Variants in DUSP19 observed in about 807,000 individuals in gnomAD.
DUSP19 encodes the protein dual specificity protein phosphatase 19.
In DUSP19, 14 loss-of-function variants were observed where a neutral mutation model predicts 16.6. The ratio of observed to expected loss-of-function variants is 0.84; its 90% CI spans 0.56 to 1.32. The LOEUF (loss-of-function observed/expected upper bound fraction) is 1.32, where lower values mean the gene tolerates loss of function less well. Ranked by LOEUF, DUSP19 falls within the 40% of genes most tolerant of loss-of-function variation. DUSP19 has a pLI of 0.00. For missense variants in DUSP19, 258 were observed against 255.9 expected (o/e 1.01, Z -0.06); for synonymous variants, 81 against 90.5 (o/e 0.90, Z 0.59).
chr2:183,087,194 T>A lies in DUSP19; in HGVS notation c.426+2T>A. 1.2e-6 allele frequency: 2 copies of A among 1,612,224 alleles called. No individual in the cohort carries two copies. Among genetic ancestry groups the A allele is most frequent in the Non-Finnish European group, 1.7e-6 (2 of 1,179,528 alleles). On this transcript the variant is annotated splice_donor_variant, in intron 3 of 3. Coordinates refer to ENST00000354221, the MANE Select transcript of DUSP19 (RefSeq NM_080876.4). LOFTEE classifies it high-confidence loss of function. Reference sequence around the variant, plus strand: ...TTTATTGAAGAAGCAAAAAGAAAAGTGAGTTTTGTTTTGATCCATAGTTCT... The same window carrying A: ...TTTATTGAAGAAGCAAAAAGAAAAGAGAGTTTTGTTTTGATCCATAGTTCT...
At chr2:183,095,209 G>A (rs1394331529) in intron 3 of DUSP19, among the ~76,000 whole-genome samples, 1 of 152,090 alleles carries the variant, frequency 6.6e-6, no homozygotes, top group African/African-American at 2.4e-5. Flanking sequence ...TTTCAATCAT[G>A]GGTTAGTAGG....
At position 183,087,070 on chromosome 2, in the gene DUSP19, G is replaced by A. The variant is rs770459317; in HGVS notation, c.304G>A (p.Val102Ile). The A allele has an allele frequency of 3.7e-6, 6 of 1,612,412 alleles. No homozygotes were observed. The highest frequency in any genetic ancestry group is 2.2e-5 in the South Asian group (2 of 90,858). ...TCATATTCTTAATGTTGCATATGGAGTTGAAAATGCTTTCCTCAGTGACTT... is the reference window on the plus strand; with the variant it reads ...TCATATTCTTAATGTTGCATATGGAATTGAAAATGCTTTCCTCAGTGACTT... ...VTHILNVAYG[V>I]ENAFLSDFTY... Residue 102 changes from valine to isoleucine, a missense_variant, in exon 3 of 4, where the codon GTT (valine) becomes ATT (isoleucine). By Grantham distance (29) the Val-to-Ile change is conservative. Transcript: ENST00000354221.
At chr2:183,085,417 G>A (rs1699646574) in intron 2 of DUSP19, among the ~76,000 whole-genome samples, 2 of 152,182 alleles carry the variant, frequency 1.3e-5, no homozygotes, top group African/African-American at 4.8e-5. Context: ...GGAGGAGAGA[G>A]TCAGCAATGT....
rs1003374103 is a variant in DUSP19 at position 183,095,537 on chromosome 2, C to G, written c.533C>G (p.Ser178Cys). The G allele has an allele frequency of 6.2e-7, 1 of 1,611,866 alleles. No homozygotes were observed. The highest frequency in any genetic ancestry group is 1.7e-4 in the Middle Eastern group (1 of 6,054). The change falls in exon 4 of 4, where the codon TCT (serine) becomes TGT (cysteine). Residue 178 changes from serine to cysteine, a missense_variant. Ser to Cys is a moderately radical substitution (Grantham distance 112). Coordinates refer to ENST00000354221, the MANE Select transcript of DUSP19 (RefSeq NM_080876.4). ...CAAACCTCATTTACCAGTGCTTTTT[C>G]TTTGGTGAAAAATGCAAGACCTTCC... Reference protein sequence around the residue: ...SEQTSFTSAFSLVKNARPSIC... With the variant: ...SEQTSFTSAFCLVKNARPSIC...
chr2:183,081,613 A>G (rs953653309), intron 1 of DUSP19, among the ~76,000 whole-genome samples: 2 of 152,228 alleles, frequency 1.3e-5, no homozygotes, highest in African/African-American at 4.8e-5. Context: ...TTTCTACATT[A>G]GAAAACAGAA....
intron 1 of DUSP19, among the ~76,000 whole-genome samples, chr2:183,082,447 G>A (rs185389987): frequency 0.032 from 4,220 of 132,172 alleles, 92 homozygotes; most frequent in Non-Finnish European, 0.044. Flanking sequence ...TTTTTGAGAC[G>A]GAGTCTCACT....
rs1389959418 is a variant in DUSP19, at chr2:183,079,119, G to A, written c.186G>A (p.Ser62=). ...GGCGYVQDLS[S]DLQVGVIKPW... ...GTGGTTATGTGCAGGACCTTAGCTC[G>A]GACCTGCAAGTTGGCGTTATTAAGC... The change falls in exon 1 of 4, where the codon TCG becomes TCA. Residue 62 remains serine, a synonymous_variant. Coordinates refer to ENST00000354221, the MANE Select transcript of DUSP19 (RefSeq NM_080876.4). 6.2e-7 allele frequency: 1 copy of A among 1,613,882 alleles called. No individual in the cohort carries two copies. The highest frequency in any genetic ancestry group is 1.7e-5 in the Admixed American group (1 of 59,978).
intron 1 of DUSP19, among the ~76,000 whole-genome samples, chr2:183,083,105 A>G (rs547113600): frequency 6.6e-6 from 1 of 152,130 alleles, no homozygotes; most frequent in African/African-American, 2.4e-5. Context: ...AGGGTCTCAC[A>G]ATGTTGTTCA....
chr2:183,092,023 T>C (rs1699738186), intron 3 of DUSP19, among the ~76,000 whole-genome samples: 1 of 152,220 alleles, frequency 6.6e-6, no homozygotes, highest in African/African-American at 2.4e-5. Flanking sequence ...TTGTCCAGTT[T>C]GCTACCAGAC....
chr2:183,086,874 T>C (rs1197376061), intron 2 of DUSP19, among the ~76,000 whole-genome samples, 166 bp from the exon 3 acceptor site: 2 of 151,856 alleles, frequency 1.3e-5, no homozygotes, highest in Non-Finnish European at 2.9e-5. Context: ...AGAAAACATA[T>C]AGTAGAAGGA....
Position 183,095,546 on chromosome 2 carries a change from A to G in DUSP19, c.542A>G (p.Lys181Arg). The stretch of plus-strand genomic sequence containing the variant: ...TTTACCAGTGCTTTTTCTTTGGTGA[A>G]AAATGCAAGACCTTCCATATGTCCA... The part of the protein sequence containing the change: ...TSFTSAFSLV[K>R]NARPSICPNS... Residue 181 changes from lysine to arginine, a missense_variant, in exon 4 of 4, where the codon AAA becomes AGA. Coordinates refer to ENST00000354221, the MANE Select transcript of DUSP19 (RefSeq NM_080876.4). The G allele has an allele frequency of 6.2e-7, 1 of 1,614,098 alleles. No homozygotes were observed. The highest frequency in any genetic ancestry group is 8.5e-7 in the Non-Finnish European group (1 of 1,179,984).
Position 183,095,545 on chromosome 2 carries a change from A to T in DUSP19, c.541A>T (p.Lys181Ter), listed in dbSNP as rs1473950547. ...TSFTSAFSLV[K>*]NARPSICPNS... ...ATTTACCAGTGCTTTTTCTTTGGTG[A>T]AAAATGCAAGACCTTCCATATGTCC... The change falls in exon 4 of 4, where the codon AAA (lysine) becomes TAA (stop). Residue 181 changes from lysine (K) to a stop codon, truncating the protein, a stop_gained. Transcript: ENST00000354221. LOFTEE classifies it high-confidence loss of function. 1 of 1,613,842 alleles carries T rather than the reference A, an allele frequency of 6.2e-7. No individual in the cohort carries two copies. Among genetic ancestry groups the T allele is most frequent in the Non-Finnish European group, 8.5e-7 (1 of 1,179,960 alleles).
chr2:183,085,257 A>G (rs570401360), intron 2 of DUSP19, among the ~76,000 whole-genome samples: 4 of 152,356 alleles, frequency 2.6e-5, no homozygotes, highest in African/African-American at 9.6e-5. Flanking sequence ...ACAGAATCTT[A>G]TCACAGAACT....
intron 3 of DUSP19, among the ~76,000 whole-genome samples, chr2:183,093,074 T>C (rs1040650383): frequency 6.6e-5 from 10 of 152,204 alleles, no homozygotes; most frequent in Non-Finnish European, 1.5e-4. Flanking sequence ...TTAACAACTA[T>C]TAATTACTTA....
chr2:183,093,233 A>G (rs1472493154), intron 3 of DUSP19, among the ~76,000 whole-genome samples: 3 of 152,224 alleles, frequency 2.0e-5, no homozygotes, highest in Non-Finnish European at 4.4e-5. Flanking sequence ...CTACTTGCCC[A>G]TAGCAAAATG....
rs1699550637 is a variant in DUSP19 at position 183,078,754 on chromosome 2, A to G, written c.-180A>G. The stretch of plus-strand genomic sequence containing the variant: ...CCAATCAAATTTCGCCTTACATTGC[A>G]TCGCTGGGATAAACGGAGCTGGACG... On this transcript the variant is annotated 5_prime_UTR_variant, in exon 1 of 4. Transcript: ENST00000354221. 1 of 599,298 alleles carries G rather than the reference A, an allele frequency of 1.7e-6. No individual in the cohort carries two copies. Among genetic ancestry groups the G allele is most frequent in the Non-Finnish European group, 2.9e-6 (1 of 341,888 alleles). 37.1% of individuals were successfully genotyped at this position (599,298 alleles called of 1,614,324 possible). A position where few individuals can be genotyped will look rare whatever the true frequency, so the allele number is the denominator to read the frequency against.
At chr2:183,088,924 A>G (rs556702867) in intron 3 of DUSP19, among the ~76,000 whole-genome samples, 65 of 152,346 alleles carry the variant, frequency 4.3e-4, no homozygotes, top group African/African-American at 1.5e-3. Flanking sequence ...CCATATTCAT[A>G]TTAACATTAG....
chr2:183,084,889 A>G (rs536642777), intron 2 of DUSP19, among the ~76,000 whole-genome samples: 1 of 152,200 alleles, frequency 6.6e-6, no homozygotes, highest in Non-Finnish European at 1.5e-5. Context: ...TTTAGAGGGT[A>G]GAATTCTTAA....
chr2:183,091,181 A>G (rs779548525), intron 3 of DUSP19, among the ~76,000 whole-genome samples: 1 of 152,170 alleles, frequency 6.6e-6, no homozygotes, highest in Non-Finnish European at 1.5e-5. Flanking sequence ...TTTGTTCAAT[A>G]GAAGTAAAAG....
Sources: allele counts gnomAD v4.1 joint callset (sites outside exome capture counted in the v4.1 genomes callset), GRCh38; gene constraint gnomAD v4.1.1; transcripts MANE v1.5; gene names NCBI Gene and HGNC (gene_info 2026-07-23, HGNC 2026-07-21).